Variants in SELENOM observed in about 807,000 individuals in gnomAD.
The protein encoded by SELENOM is selenoprotein M.
In SELENOM, 17 loss-of-function variants were observed where a neutral mutation model predicts 14.5. The ratio of observed to expected loss-of-function variants is 1.17; its 90% CI spans 0.80 to 1.76. The LOEUF (loss-of-function observed/expected upper bound fraction) is 1.76. SELENOM is among the 40% of genes most tolerant of loss of function. The pLI, the probability that SELENOM is intolerant of heterozygous loss-of-function variation, is 0.00. For missense variants in SELENOM, 230 were observed against 204.6 expected (o/e 1.12, Z -0.76); for synonymous variants, 102 against 93.3 (o/e 1.09, Z -0.54).
chr22:31,107,559 C>T lies in SELENOM; in HGVS notation c.-54G>A. The T allele has an allele frequency of 6.8e-7, 1 of 1,464,624 alleles. No homozygotes were observed. The highest frequency in any genetic ancestry group is 1.3e-5 in the South Asian group (1 of 75,408). 90.7% of individuals were successfully genotyped at this position (1,464,624 alleles called of 1,614,324 possible). A position where few individuals can be genotyped will look rare whatever the true frequency, so the allele number is the denominator to read the frequency against. ...CTGGAGGCGAACCTCCGAGTCGCTG[C>T]GCCACGTCTGGGCCCCCAGGCTGGC... On this transcript the variant is annotated 5_prime_UTR_variant, in exon 1 of 5. Coordinates refer to ENST00000400299, the MANE Select transcript of SELENOM (RefSeq NM_080430.4).
chr22:31,105,798 ACT>A, intron 2 of SELENOM, 106 bp from the exon 3 acceptor site: 7 of 1,482,490 alleles, frequency 4.7e-6, no homozygotes, highest in Non-Finnish European at 6.6e-6. Context: ...TGCAGGCTAG[ACT>A]CTCAGCCTAG....
intron 1 of SELENOM, 90 bp from the exon 2 acceptor site, chr22:31,106,055 G>C: frequency 1.6e-6 from 2 of 1,264,610 alleles, no homozygotes; most frequent in Non-Finnish European, 2.3e-6. Context: ...CCCTGAGTTG[G>C]GTCGGGCTGT....
At chr22:31,106,450 T>C in intron 1 of SELENOM, 1 of 174,250 alleles carries the variant, frequency 5.7e-6, no homozygotes, top group Non-Finnish European at 1.2e-5. Flanking sequence ...GCCTGCCACC[T>C]GCGGCCCAGC....
chr22:31,105,115 C>T lies in SELENOM; in HGVS notation c.293G>A (p.Ser98Asn), dbSNP rs754568595. ...ATTGATCTCTTCGCGGGTCATTTCA[C>T]TGAGTGGGATGCGCTGAGGCGGAGG... ...RYEELERIPL[S>N]EMTREEINAL... The change falls in exon 5 of 5, where the codon AGT (serine) becomes AAT (asparagine). Residue 98 changes from serine (S) to asparagine (N), a missense_variant. Transcript: ENST00000400299. The T allele has an allele frequency of 3.1e-6, 5 of 1,613,552 alleles. No homozygotes were observed. The highest frequency in any genetic ancestry group is 2.2e-5 in the East Asian group (1 of 44,872).
At position 31,104,888 on chromosome 22, in the gene SELENOM, G is replaced by T. The variant is rs1450015647; in HGVS notation, c.*82C>A. The stretch of plus-strand genomic sequence containing the variant: ...GGACGGGCATCGGCTCTCAGCAAGA[G>T]AAGTATTCCCGGGATGCTGAGCGCT... On this transcript the variant is annotated 3_prime_UTR_variant, in exon 5 of 5. Coordinates refer to ENST00000400299, the MANE Select transcript of SELENOM (RefSeq NM_080430.4). 6 of 1,408,152 alleles carry T rather than the reference G, an allele frequency of 4.3e-6. No individual in the cohort carries two copies. The East Asian group carries it at 7.5e-5, about 18-fold the overall frequency. 87.2% of individuals were successfully genotyped at this position (1,408,152 alleles called of 1,614,324 possible). A position where few individuals can be genotyped will look rare whatever the true frequency, so the allele number is the denominator to read the frequency against.
intron 1 of SELENOM, 72 bp downstream of exon 1, chr22:31,107,305 G>C (rs984734274): frequency 2.0e-6 from 3 of 1,503,710 alleles, no homozygotes; most frequent in Non-Finnish European, 2.7e-6. Flanking sequence ...TTGGGGCCGG[G>C]ACGGACGGTG....
At chr22:31,107,076 G>A in intron 1 of SELENOM, 1 of 315,510 alleles carries the variant, frequency 3.2e-6, no homozygotes, top group Non-Finnish European at 5.9e-6. Flanking sequence ...AGGATTGGGA[G>A]TCATAGGCCA....
chr22:31,105,782 G>C, intron 2 of SELENOM, 90 bp from the exon 3 acceptor site: 1 of 1,517,902 alleles, frequency 6.6e-7, no homozygotes, highest in South Asian at 1.1e-5. Context: ...CATAAAGCAA[G>C]TCAGGTGCAG....
chr22:31,105,315 T>G, intron 3 of SELENOM, 29 bp from the exon 4 acceptor site: 1 of 1,589,650 alleles, frequency 6.3e-7, no homozygotes, highest in East Asian at 2.3e-5. Flanking sequence ...AGCGGGGTGG[T>G]GGGCAGAGGG....
intron 1 of SELENOM, 68 bp from the exon 2 acceptor site, chr22:31,106,033 A>G (rs2044401372): frequency 7.0e-7 from 1 of 1,425,238 alleles, no homozygotes; most frequent in Non-Finnish European, 9.9e-7. Flanking sequence ...CCCCAAAGCC[A>G]TACTTCCTTA....
chr22:31,105,087 C>G lies in SELENOM; in HGVS notation c.321G>C (p.Ala107=), dbSNP rs765179069. ...LSEMTREEIN[A]LVQELGFYRK... ...GGTAGAAGCCGAGCTCCTGCACTAG[C>G]GCATTGATCTCTTCGCGGGTCATTT... Residue 107 remains alanine, a synonymous_variant, in exon 5 of 5, where the codon GCG becomes GCC. Coordinates refer to ENST00000400299, the MANE Select transcript of SELENOM (RefSeq NM_080430.4). 14 of 1,613,124 alleles carry G rather than the reference C, an allele frequency of 8.7e-6. No individual in the cohort carries two copies. Among genetic ancestry groups the G allele is most frequent in the Non-Finnish European group, 1.0e-5 (12 of 1,179,822 alleles).
rs2044389630 is a variant in SELENOM, at chr22:31,105,277, C to G, written c.210G>C (p.Leu70=). 4 of 1,611,560 alleles carry G rather than the reference C, an allele frequency of 2.5e-6. No homozygotes were observed. In the East Asian group the frequency reaches 8.9e-5, roughly 36 times the overall value. ...CGGCCCCAGGGAGGTGTTTCATCAC[C>G]AGGTTGTGACTGGAGGTGGTGTTAA... The part of the protein sequence containing the change: ...VTQDIPFYHN[L]VMKHLPGADP... The change falls in exon 4 of 5, where the codon CTG becomes CTC. Residue 70 remains leucine (L), a synonymous_variant. Coordinates refer to ENST00000400299, the MANE Select transcript of SELENOM (RefSeq NM_080430.4).
At chr22:31,105,808 T>C in intron 2 of SELENOM, 116 bp from the exon 3 acceptor site, 1 of 1,467,198 alleles carries the variant, frequency 6.8e-7, no homozygotes, top group Non-Finnish European at 9.6e-7. Context: ...ACTCTCAGCC[T>C]AGGCTAGACT....
At chr22:31,105,877 TC>T (rs2044398847) in intron 2 of SELENOM, 52 bp downstream of exon 2, 2 of 1,583,114 alleles carry the variant, frequency 1.3e-6, no homozygotes, top group Non-Finnish European at 1.7e-6. Flanking sequence ...TGTTGCCCAC[TC>T]CCCAAGAGGC....
Position 31,104,804 on chromosome 22 carries a change from T to G in SELENOM, c.*166A>C. The G allele has an allele frequency of 2.0e-6, 1 of 501,460 alleles. No individual in the cohort carries two copies. The allele number at this position is 501,460 out of a possible 1,614,324, so 31.1% of individuals were successfully genotyped here. ...AAGGCAGGAGGGAATTTAGTGGAGC[T>G]GGGGAAGGAAGAAAGTGGGGTTGGG... On this transcript the variant is annotated 3_prime_UTR_variant, in exon 5 of 5. Transcript: ENST00000400299.
Position 31,105,681 on chromosome 22 carries a change from G to T in SELENOM, c.177C>A (p.Phe59Leu). The T allele has an allele frequency of 6.2e-7, 1 of 1,614,054 alleles. No homozygotes were observed. Among genetic ancestry groups the T allele is most frequent in the Non-Finnish European group, 8.5e-7 (1 of 1,179,952 alleles). Residue 59 changes from phenylalanine (F) to leucine (L), a missense_variant, in exon 3 of 5, where the codon TTC becomes TTA. Phe to Leu is a conservative substitution (Grantham distance 22, BLOSUM62 0). Coordinates refer to ENST00000400299, the MANE Select transcript of SELENOM (RefSeq NM_080430.4). Reference sequence around the variant, plus strand: ...ACTAGAATGGAATGTCCTGCGTGACGAAAGCCTTCACCTGGGGAGGAACCA... The same window carrying T: ...ACTAGAATGGAATGTCCTGCGTGACTAAAGCCTTCACCTGGGGAGGAACCA... ...QLNRLKEVKA[F>L]VTQDIPFYHN...
At chr22:31,105,624 A>T (rs2044394736) in intron 3 of SELENOM, 34 bp downstream of exon 3, 4 of 1,609,862 alleles carry the variant, frequency 2.5e-6, no homozygotes, top group Non-Finnish European at 3.4e-6. Context: ...CCAGGTGCCC[A>T]TCCCATTTCC....
chr22:31,105,506 C>A, intron 3 of SELENOM, 152 bp downstream of exon 3: 1 of 901,200 alleles, frequency 1.1e-6, no homozygotes, highest in Non-Finnish European at 1.8e-6. Flanking sequence ...CTCTTGCCCA[C>A]CCAACATGGA....
rs190432812 is a variant in SELENOM, at chr22:31,105,072, G to A, written c.336C>T (p.Leu112=). 4.7e-3 allele frequency: 7,574 copies of A among 1,612,772 alleles called. 25 individuals carry two copies. Among genetic ancestry groups the A allele is most frequent in the Non-Finnish European group, 5.4e-3 (6,347 of 1,179,748 alleles). Residue 112 remains leucine (L), a synonymous_variant, in exon 5 of 5, where the codon CTC becomes CTT. Transcript: ENST00000400299. ...REEINALVQE[L]GFYRKAAPDA... ...CGGGCGCCGCCTTGCGGTAGAAGCCGAGCTCCTGCACTAGCGCATTGATCT... is the reference window on the plus strand; with the variant it reads ...CGGGCGCCGCCTTGCGGTAGAAGCCAAGCTCCTGCACTAGCGCATTGATCT...
Sources: allele counts gnomAD v4.1 joint callset, GRCh38; gene constraint gnomAD v4.1.1; transcripts MANE v1.5; gene names NCBI Gene and HGNC (gene_info 2026-07-23, HGNC 2026-07-21).